Variants in GPATCH3 observed in about 807,000 individuals in gnomAD.
GPATCH3 encodes G patch domain-containing protein 3.
GPATCH3 carries 45 observed loss-of-function variants against 53.2 expected under a neutral mutation model. The ratio of observed to expected loss-of-function variants is 0.85; its 90% confidence interval spans 0.67 to 1.08. The LOEUF (loss-of-function observed/expected upper bound fraction) is 1.08, where lower values mean the gene tolerates loss of function less well. Ranked by LOEUF, GPATCH3 falls within the 50% of genes least tolerant of loss-of-function variation. The pLI is 0.00. For missense variants in GPATCH3, 680 were observed against 687.2 expected, an observed-to-expected ratio of 0.99 and a Z score of 0.12; for synonymous variants, 280 against 270.6, an observed-to-expected ratio of 1.03 and a Z score of -0.34.
chr1:26,893,529 CTTT>C (rs57218076), intron 3 of GPATCH3, 81 bp from the exon 4 acceptor site: 5,627 of 367,298 alleles, frequency 0.015, no homozygotes, highest in East Asian at 0.021. Context: ...GTTTTTTTGG[CTTT>C]TTTTTTTTTT....
rs769606643 is a variant in GPATCH3 at position 26,890,769 on chromosome 1, T to G, written c.*241A>C. On this transcript the variant is annotated 3_prime_UTR_variant, in exon 7 of 7. Coordinates refer to ENST00000361720, the MANE Select transcript of GPATCH3 (RefSeq NM_022078.3). ...GGAGGCAAAGGGCAAGCCCAGAGAT[T>G]AGGGTTAGAGACCAAAGACAAGCGG... 9.6e-6 allele frequency: 7 copies of G among 731,766 alleles called. No homozygotes were observed. The highest frequency in any genetic ancestry group is 2.4e-4 in the Middle Eastern group (1 of 4,210). 45.3% of individuals were successfully genotyped at this position (731,766 alleles called of 1,614,324 possible).
intron 3 of GPATCH3, among the ~76,000 whole-genome samples, chr1:26,893,714 T>C (rs1031757309): frequency 2.6e-5 from 4 of 151,590 alleles, no homozygotes; most frequent in African/African-American, 9.7e-5. Flanking sequence ...AGAGACGAGG[T>C]TTCACCATGT....
At chr1:26,894,472 G>A (rs2081942473) in intron 2 of GPATCH3, 62 bp from the exon 3 acceptor site, 2 of 1,520,644 alleles carry the variant, frequency 1.3e-6, no homozygotes, top group Non-Finnish European at 1.8e-6. Context: ...AGGGAGGGAA[G>A]CTCAGGGCAC....
chr1:26,899,022 CTTT>C (rs1386562532), intron 1 of GPATCH3, among the ~76,000 whole-genome samples: 4 of 152,214 alleles, frequency 2.6e-5, no homozygotes, highest in African/African-American at 7.2e-5. Flanking sequence ...AAAGCTGTGT[CTTT>C]GCAAACGCCA....
chr1:26,891,914 G>T (rs981868838), intron 6 of GPATCH3, among the ~76,000 whole-genome samples: 6 of 152,108 alleles, frequency 3.9e-5, no homozygotes, highest in Non-Finnish European at 8.8e-5. Flanking sequence ...TCACCATCTT[G>T]ATCAGGCTGG....
chr1:26,893,324 T>C (rs998947715), intron 4 of GPATCH3, 65 bp downstream of exon 4: 5 of 1,266,160 alleles, frequency 3.9e-6, no homozygotes, highest in Non-Finnish European at 5.8e-6. Context: ...CTAGCTCTGG[T>C]AAAGTGTCAC....
rs761376453 is a variant in GPATCH3, at chr1:26,892,627, G to A, written c.1233+43C>T. 26 of 1,610,004 alleles carry A rather than the reference G, an allele frequency of 1.6e-5. No homozygotes were observed. The East Asian group carries it at 2.2e-4, about 14-fold the overall frequency. The stretch of plus-strand genomic sequence containing the variant: ...TGGGAGAAGGAATTAAAGTAGAGAA[G>A]GAAAAGAGAGGGGTCCATGGGGTGG... On this transcript the variant is annotated intron_variant, in intron 5 of 6. Coordinates refer to ENST00000361720, the MANE Select transcript of GPATCH3 (RefSeq NM_022078.3).
At chr1:26,899,879 G>A (rs897585363) in intron 1 of GPATCH3, 113 bp downstream of exon 1, 1 of 912,382 alleles carries the variant, frequency 1.1e-6, no homozygotes, top group South Asian at 1.6e-5. Flanking sequence ...TCTAGAATAT[G>A]AACTAAACTC....
chr1:26,897,622 G>A lies in GPATCH3; in HGVS notation c.555C>T (p.Asn185=), dbSNP rs1466682385. 6 of 1,614,196 alleles carry A rather than the reference G, an allele frequency of 3.7e-6. No individual in the cohort carries two copies. Among genetic ancestry groups the A allele is most frequent in the Non-Finnish European group, 5.1e-6 (6 of 1,180,028 alleles). ...LADLKQLPEL[N]PPVLMPRGNV... Reference sequence around the variant, plus strand: ...TCCCTCTGGGCATCAGCACTGGTGGGTTCAGCTCCGGCAGTTGCTTCAGGT... The same window carrying A: ...TCCCTCTGGGCATCAGCACTGGTGGATTCAGCTCCGGCAGTTGCTTCAGGT... The change falls in exon 2 of 7, where the codon AAC becomes AAT. Residue 185 remains asparagine, a synonymous_variant. Coordinates refer to ENST00000361720, the MANE Select transcript of GPATCH3 (RefSeq NM_022078.3).
chr1:26,891,087 T>C lies in GPATCH3; in HGVS notation c.1501A>G (p.Ser501Gly), dbSNP rs754644031. The change falls in exon 7 of 7, where the codon AGC becomes GGC. Residue 501 changes from serine (S) to glycine (G), a missense_variant. Coordinates refer to ENST00000361720, the MANE Select transcript of GPATCH3 (RefSeq NM_022078.3). ...GCCATGTCTGTCCGAAACTTCATGC[T>C]GGTGGGTGGCTGGCGGCGGAGCAGT... is the stretch of plus-strand genomic sequence containing the variant. ...ESLLRRQPPTSMKFRTDMAFV... is the reference protein window; with the variant it reads ...ESLLRRQPPTGMKFRTDMAFV... The C allele has an allele frequency of 1.9e-5, 30 of 1,613,978 alleles. No individual in the cohort carries two copies. The highest frequency in any genetic ancestry group is 2.3e-5 in the Non-Finnish European group (27 of 1,180,022).
intron 1 of GPATCH3, among the ~76,000 whole-genome samples, chr1:26,898,115 G>A (rs1388177447): frequency 3.3e-5 from 5 of 152,136 alleles, no homozygotes; most frequent in South Asian, 2.1e-4. Context: ...CATCTCGGGC[G>A]ACAGAGTACC....
At chr1:26,893,084 A>G (rs1180657445) in intron 4 of GPATCH3, among the ~76,000 whole-genome samples, 2 of 152,116 alleles carry the variant, frequency 1.3e-5, no homozygotes, top group African/African-American at 4.8e-5. Flanking sequence ...TTCCTCTTCT[A>G]AAATCTAAAC....
intron 6 of GPATCH3, among the ~76,000 whole-genome samples, chr1:26,891,484 G>C (rs903395246): frequency 6.7e-6 from 1 of 150,014 alleles, no homozygotes; most frequent in Non-Finnish European, 1.5e-5. Flanking sequence ...CAAAGGGTAT[G>C]AATGATCTTG....
intron 1 of GPATCH3, 21 bp from the exon 2 acceptor site, chr1:26,897,746 G>A: frequency 6.4e-7 from 1 of 1,569,096 alleles, no homozygotes; most frequent in Non-Finnish European, 8.6e-7. Context: ...AGGGAGAATA[G>A]ATCTTGAAAC....
chr1:26,900,263 G>C lies in GPATCH3; in HGVS notation c.180C>G (p.Ala60=). 6.2e-7 allele frequency: 1 copy of C among 1,614,042 alleles called. No homozygotes were observed. The highest frequency in any genetic ancestry group is 8.5e-7 in the Non-Finnish European group (1 of 1,180,046). Reference sequence around the variant, plus strand: ...TAGGAATTAGGGCAGAGTTAGGAGCGGCCTGCGGAGGGGCCCGCTCAGGCC... The same window carrying C: ...TAGGAATTAGGGCAGAGTTAGGAGCCGCCTGCGGAGGGGCCCGCTCAGGCC... The part of the protein sequence containing the change: ...RHRPERAPPQ[A]APNSALIPTD... Residue 60 remains alanine, a synonymous_variant, in exon 1 of 7, where the codon GCC becomes GCG. Coordinates refer to ENST00000361720, the MANE Select transcript of GPATCH3 (RefSeq NM_022078.3).
chr1:26,893,496 T>G (rs2081937549), intron 3 of GPATCH3, 48 bp from the exon 4 acceptor site: 3 of 1,393,712 alleles, frequency 2.2e-6, no homozygotes, highest in Non-Finnish European at 3.1e-6. Context: ...GGACTCTCAG[T>G]TCTATTAAGA....
At chr1:26,897,086 T>C (rs1375837484) in intron 2 of GPATCH3, among the ~76,000 whole-genome samples, 1 of 151,724 alleles carries the variant, frequency 6.6e-6, no homozygotes, top group African/African-American at 2.4e-5. Context: ...TAAGACCCAC[T>C]TACGAATCTT....
At position 26,893,451 on chromosome 1, in the gene GPATCH3, G is replaced by A. The variant is rs552413980; in HGVS notation, c.1052-3C>T. On this transcript the variant is annotated splice_region_variant and splice_polypyrimidine_tract_variant and intron_variant, in intron 3 of 6. Transcript: ENST00000361720. ...ATCGGCTGTCTGTTCATCAAAATCTGTAGGGACAGAAAAGCATCCAACAGA... is the reference window on the plus strand; with the variant it reads ...ATCGGCTGTCTGTTCATCAAAATCTATAGGGACAGAAAAGCATCCAACAGA... The A allele has an allele frequency of 1.3e-6, 2 of 1,599,804 alleles. No homozygotes were observed. The highest frequency in any genetic ancestry group is 1.7e-6 in the Non-Finnish European group (2 of 1,170,610).
intron 1 of GPATCH3, among the ~76,000 whole-genome samples, chr1:26,897,949 C>T (rs1451248184): frequency 1.3e-5 from 2 of 152,042 alleles, no homozygotes. Flanking sequence ...CCAGCCTGGG[C>T]AAAATGGTGA....
Sources: gnomAD v4.1 joint callset for allele counts (sites outside exome capture counted in the v4.1 genomes callset) on GRCh38, gnomAD v4.1.1 for gene constraint, MANE v1.5 for transcripts, NCBI Gene and HGNC (gene_info 2026-07-23, HGNC 2026-07-21) for gene names.